NAV2: variants seen among roughly 807,000 people sequenced by gnomAD.
NAV2 encodes the protein helicase, APC down-regulated 1.
In NAV2, 54 loss-of-function variants were observed where a neutral mutation model predicts 223.2. The ratio of observed to expected loss-of-function variants is 0.24; its 90% CI spans 0.19 to 0.30. The LOEUF (loss-of-function observed/expected upper bound fraction) is 0.30, where lower values mean the gene tolerates loss of function less well. Ranked by LOEUF, NAV2 falls within the 10% of genes least tolerant of loss-of-function variation. The probability of loss-of-function intolerance (pLI) is 1.00; values close to 1 mark genes in which losing one functional copy is unlikely to be tolerated. For missense variants in NAV2, 2,806 were observed against 3,147.5 expected (o/e 0.89, Z 2.60); for synonymous variants, 1,279 against 1,239.3 (o/e 1.03, Z -0.67).
chr11:19,412,465 A>C (rs1850186020), intron 1 of NAV2, among the ~76,000 whole-genome samples: 1 of 151,972 alleles, frequency 6.6e-6, no homozygotes, highest in Admixed American at 6.5e-5. Flanking sequence ...GGGACAGAGC[A>C]CCTGGGGGAA....
chr11:19,567,681 CCT>C (rs1186583466), intron 1 of NAV2, among the ~76,000 whole-genome samples: 53 of 152,288 alleles, frequency 3.5e-4, no homozygotes, highest in African/African-American at 1.2e-3. Flanking sequence ...AACCTCCAGC[CCT>C]GGAGCTTAAT....
intron 1 of NAV2, among the ~76,000 whole-genome samples, chr11:19,629,404 T>A (rs1590727172): frequency 6.6e-6 from 1 of 152,076 alleles, no homozygotes; most frequent in African/African-American, 2.4e-5. Context: ...GGAAAGGAAT[T>A]GTGCCTCTCT....
At chr11:19,961,337 G>T (rs1244940929) in intron 10 of NAV2, among the ~76,000 whole-genome samples, 3 of 152,160 alleles carry the variant, frequency 2.0e-5, no homozygotes, top group African/African-American at 7.2e-5. Context: ...CTACAGAGTG[G>T]CTCAACAGAT....
chr11:19,808,378 A>G (rs955033866), intron 1 of NAV2, among the ~76,000 whole-genome samples: 1 of 152,240 alleles, frequency 6.6e-6, no homozygotes, highest in African/African-American at 2.4e-5. Flanking sequence ...AACTGAGCAC[A>G]AAAGCGGGGT....
At chr11:19,940,347 G>T (rs957833965) in intron 8 of NAV2, among the ~76,000 whole-genome samples, 7 of 152,150 alleles carry the variant, frequency 4.6e-5, no homozygotes, top group Non-Finnish European at 8.8e-5. Context: ...CACAGTCGTT[G>T]TATAGTTAAT....
chr11:19,546,997 T>C (rs1292044804), intron 1 of NAV2, among the ~76,000 whole-genome samples: 2 of 152,348 alleles, frequency 1.3e-5, no homozygotes, highest in East Asian at 3.9e-4. Flanking sequence ...GTAGCCTCTT[T>C]ACTGCTCTTC....
At chr11:19,516,890 A>G (rs938921137) in intron 1 of NAV2, among the ~76,000 whole-genome samples, 1 of 152,160 alleles carries the variant, frequency 6.6e-6, no homozygotes, top group Non-Finnish European at 1.5e-5. Flanking sequence ...ACACAATGGT[A>G]GATGAAGTTA....
chr11:19,350,782 C>T, exon 1 of NAV2: 1 of 642,662 alleles, frequency 1.6e-6, no homozygotes, highest in East Asian at 2.8e-5. Context: ...GAGTGAGGTT[C>T]CCGAGTGGAT....
intron 1 of NAV2, among the ~76,000 whole-genome samples, chr11:19,535,186 C>T (rs1351203145): frequency 6.6e-6 from 1 of 152,012 alleles, no homozygotes; most frequent in Admixed American, 6.6e-5. Flanking sequence ...TCAGGTGAGA[C>T]AGGAACCAGG....
At chr11:19,382,043 AT>A (rs1278661514) in intron 1 of NAV2, among the ~76,000 whole-genome samples, 1 of 152,122 alleles carries the variant, frequency 6.6e-6, no homozygotes, top group African/African-American at 2.4e-5. Context: ...CCAGGTGGGA[AT>A]GCTGCTGGAA....
At chr11:19,777,804 T>C (rs994934645) in intron 1 of NAV2, 5 of 451,924 alleles carry the variant, frequency 1.1e-5, no homozygotes, top group African/African-American at 1.0e-4. Context: ...CCTGGAGCTC[T>C]CTTGGATTGC....
At position 19,650,866 on chromosome 11, in the gene NAV2, G is replaced by A. The variant is rs571873702; in HGVS notation, c.76-181618G>A. Among the ~76,000 whole-genome samples, 106 of 152,212 alleles carry A rather than the reference G, an allele frequency of 7.0e-4. 1 individual carries two copies. The highest frequency in any genetic ancestry group is 2.4e-3 in the African/African-American group (100 of 41,524). On this transcript the variant is annotated intron_variant, in intron 1 of 37. Transcript: ENST00000360655. The stretch of plus-strand genomic sequence containing the variant: ...TCCATCTGTATGAAATTCCATAAAA[G>A]GCAAACTTAATCTTTAATGACGGAA...
intron 1 of NAV2, among the ~76,000 whole-genome samples, chr11:19,492,432 G>A (rs756793940): frequency 1.3e-5 from 2 of 152,068 alleles, no homozygotes; most frequent in Non-Finnish European, 2.9e-5. Context: ...TGAAAGAGAG[G>A]GAGCACACTT....
At chr11:20,019,010 A>G (rs1421393330) in intron 11 of NAV2, among the ~76,000 whole-genome samples, 1 of 152,214 alleles carries the variant, frequency 6.6e-6, no homozygotes, top group Non-Finnish European at 1.5e-5. Flanking sequence ...GCCAGATCAC[A>G]TCAGGGCTTC....
rs2063396849 is a variant in NAV2 at position 20,120,107 on chromosome 11, TC to T, written c.*1850del. ...TTTAATGATCAGGGTTTTTATTCCATCTTTTGCATTTCTTCTATTTCTGAAG... is the reference window on the plus strand; with the variant it reads ...TTTAATGATCAGGGTTTTTATTCCATTTTTGCATTTCTTCTATTTCTGAAG... On this transcript the variant is annotated 3_prime_UTR_variant, in exon 38 of 38. Coordinates refer to ENST00000349880, the MANE Select transcript of NAV2 (RefSeq NM_145117.5). 1 of 152,234 alleles carries T rather than the reference TC, an allele frequency of 6.6e-6. No individual in the cohort carries two copies. The highest frequency in any genetic ancestry group is 6.5e-5 in the Admixed American group (1 of 15,276). The allele number at this position is 152,234 out of a possible 1,614,324, so 9.4% of individuals were successfully genotyped here.
intron 17 of NAV2, among the ~76,000 whole-genome samples, chr11:20,051,946 TGGTGG>T (rs1442426801): frequency 6.6e-6 from 1 of 152,152 alleles, no homozygotes; most frequent in Admixed American, 6.5e-5. Context: ...TCCTGGTAAG[TGGTGG>T]CTCAGGTTCG....
intron 1 of NAV2, among the ~76,000 whole-genome samples, chr11:19,475,257 G>GGTGGTT (rs1485521456): frequency 2.0e-5 from 3 of 152,196 alleles, no homozygotes; most frequent in Non-Finnish European, 2.9e-5. Flanking sequence ...AAAGGATTTG[G>GGTGGTT]GTGGTTTTTC....
intron 1 of NAV2, among the ~76,000 whole-genome samples, chr11:19,463,233 T>C (rs1852227203): frequency 6.6e-6 from 1 of 152,256 alleles, no homozygotes. Context: ...AAATAAGTAA[T>C]AGAGATCATG....
At chr11:20,054,339 C>T in intron 18 of NAV2, 99 bp downstream of exon 18, 1 of 1,291,472 alleles carries the variant, frequency 7.7e-7, no homozygotes, top group Non-Finnish European at 1.0e-6. Context: ...TTTTGGGGAG[C>T]AGGTGGTTTT....
Sources: gnomAD v4.1 joint callset for allele counts (sites outside exome capture counted in the v4.1 genomes callset) on GRCh38, gnomAD v4.1.1 for gene constraint, MANE v1.5 for transcripts, NCBI Gene and HGNC (gene_info 2026-07-23, HGNC 2026-07-21) for gene names.